CC2D2A: variants seen among roughly 807,000 people sequenced by gnomAD.
The protein encoded by CC2D2A is coiled-coil and C2 domain containing 2A.
A neutral mutation model predicts 212.9 loss-of-function variants in CC2D2A; 155 were observed. The observed-to-expected ratio is 0.73, with a 90% CI of 0.64 to 0.83. The LOEUF is 0.83. Ranked by LOEUF, CC2D2A falls within the 40% of genes least tolerant of loss-of-function variation. The pLI is 0.00. For synonymous variants in CC2D2A, 667 were observed against 686.5 expected (o/e 0.97, Z 0.44); for missense variants, 1,856 against 1,956.2 (o/e 0.95, Z 0.97).
Position 15,548,713 on chromosome 4 carries a change from AC to A in CC2D2A, c.2182-2110del, listed in dbSNP as rs1326949361. On this transcript the variant is annotated intron_variant, in intron 17 of 36. Coordinates refer to ENST00000424120, the MANE Select transcript of CC2D2A (RefSeq NM_001378615.1). ...TCCAGTGCAATAAATGATAACTACTACATGTTCTTTAAGCTGTAGAAGATTA... is the reference window on the plus strand; with the variant it reads ...TCCAGTGCAATAAATGATAACTACTAATGTTCTTTAAGCTGTAGAAGATTA... Among the ~76,000 whole-genome samples the A allele has an allele frequency of 3.8e-4, 58 of 152,166 alleles. 1 individual carries two copies. The highest frequency in any genetic ancestry group is 2.9e-5 in the Non-Finnish European group (2 of 68,026).
chr4:15,510,004 C>T (rs1716473404), intron 6 of CC2D2A, 135 bp from the exon 7 acceptor site: 10 of 680,658 alleles, frequency 1.5e-5, no homozygotes, highest in Non-Finnish European at 2.5e-5. Flanking sequence ...GCCAGCATTC[C>T]ATGCCTTAGG....
rs1721490418 is a variant in CC2D2A at position 15,599,657 on chromosome 4, T to C, written c.4625T>C (p.Val1542Ala). 4 of 1,613,620 alleles carry C rather than the reference T, an allele frequency of 2.5e-6. No homozygotes were observed. The highest frequency in any genetic ancestry group is 1.7e-5 in the Admixed American group (1 of 60,006). The change falls in exon 36 of 37, where the codon GTA (valine) becomes GCA (alanine). Residue 1542 changes from valine to alanine, a missense_variant. By Grantham distance (64) the Val-to-Ala change is moderately conservative. Around this residue, in one of 5 missense-constraint regions of CC2D2A, gnomAD observed 285 missense variants for 278.4 expected, o/e 1.02. Coordinates refer to ENST00000424120, the MANE Select transcript of CC2D2A (RefSeq NM_001378615.1). Reference sequence around the variant, plus strand: ...TTAGAAAAAAGTCAAGGAGAAGATGTAGAAGATGACCACAGAGCAGAACTG... The same window carrying C: ...TTAGAAAAAAGTCAAGGAGAAGATGCAGAAGATGACCACAGAGCAGAACTG... Reference protein sequence around the residue: ...PLLEKSQGEDVEDDHRAELLK... With the variant: ...PLLEKSQGEDAEDDHRAELLK...
At chr4:15,585,487 G>A (rs1477181322) in intron 30 of CC2D2A, among the ~76,000 whole-genome samples, 2 of 152,178 alleles carry the variant, frequency 1.3e-5, no homozygotes, top group Non-Finnish European at 2.9e-5. Flanking sequence ...GCTGGGGAGG[G>A]AAGGCAGGAG....
At chr4:15,542,153 C>T (rs928041661) in intron 17 of CC2D2A, among the ~76,000 whole-genome samples, 19 of 152,142 alleles carry the variant, frequency 1.2e-4, no homozygotes, top group African/African-American at 4.3e-4. Flanking sequence ...TATCTTCATC[C>T]TTAACTAATG....
At chr4:15,524,544 G>A (rs1477892177) in intron 11 of CC2D2A, among the ~76,000 whole-genome samples, 8 of 147,756 alleles carry the variant, frequency 5.4e-5, no homozygotes, top group African/African-American at 7.5e-5. Context: ...TCCGCCTCCC[G>A]GGTTCACGCC....
rs763477348 is a variant in CC2D2A at position 15,555,189 on chromosome 4, C to A, written c.2604C>A (p.Ala868=). ...TCGACCCAAATGACCCCAACAATGC[C>A]CCTTTGATGCAGCTTATCTCGGTAT... ...SKLDPNDPNN[A]PLMQLISVAT... The change falls in exon 20 of 37, where the codon GCC becomes GCA. Residue 868 remains alanine (A), a synonymous_variant. Coordinates refer to ENST00000424120, the MANE Select transcript of CC2D2A (RefSeq NM_001378615.1). The A allele has an allele frequency of 2.6e-5, 42 of 1,613,540 alleles. No individual in the cohort carries two copies. The highest frequency in any genetic ancestry group is 1.6e-4 in the Middle Eastern group (1 of 6,082).
chr4:15,585,830 C>G (rs1720835193), intron 30 of CC2D2A, among the ~76,000 whole-genome samples: 1 of 152,120 alleles, frequency 6.6e-6, no homozygotes, highest in African/African-American at 2.4e-5. Context: ...GAAATGACTG[C>G]TTTCAAGACT....
chr4:15,500,166 G>A (rs1457406043), intron 4 of CC2D2A, among the ~76,000 whole-genome samples: 1 of 147,712 alleles, frequency 6.8e-6, no homozygotes, highest in Non-Finnish European at 1.5e-5. Context: ...AAATGTCCCA[G>A]CATCATTACT....
chr4:15,498,017 G>A (rs1715715246), intron 4 of CC2D2A, among the ~76,000 whole-genome samples: 1 of 152,158 alleles, frequency 6.6e-6, no homozygotes, highest in African/African-American at 2.4e-5. Context: ...TTTTCTGAGG[G>A]GTCAGGTATA....
intron 1 of CC2D2A, among the ~76,000 whole-genome samples, chr4:15,474,857 G>A (rs530440266): frequency 6.6e-6 from 1 of 152,354 alleles, no homozygotes; most frequent in African/African-American, 2.4e-5. Context: ...GGCAAAAGCA[G>A]TTGCAGAGTA....
intron 17 of CC2D2A, chr4:15,543,634 C>T (rs1383480247): frequency 2.6e-5 from 4 of 152,228 alleles, no homozygotes; most frequent in African/African-American, 7.2e-5. Flanking sequence ...GGGCAGCCTT[C>T]AGATACGTGG....
chr4:15,481,582 A>T (rs1187067200), intron 4 of CC2D2A: 1 of 172,458 alleles, frequency 5.8e-6, no homozygotes, highest in Non-Finnish European at 1.2e-5. Flanking sequence ...ACCATGCGAC[A>T]CACCTGTTTC....
chr4:15,561,126 A>G (rs1419172907), intron 23 of CC2D2A, among the ~76,000 whole-genome samples: 1 of 152,136 alleles, frequency 6.6e-6, no homozygotes, highest in Non-Finnish European at 1.5e-5. Flanking sequence ...GAACAGCAGG[A>G]AAGATTTGAT....
chr4:15,496,833 A>T (rs1440137369), intron 4 of CC2D2A, among the ~76,000 whole-genome samples: 2 of 152,314 alleles, frequency 1.3e-5, no homozygotes, highest in African/African-American at 4.8e-5. Flanking sequence ...AAAGAATAAA[A>T]TGCCTAGAAA....
intron 7 of CC2D2A, 72 bp downstream of exon 7, chr4:15,510,312 C>G: frequency 7.4e-7 from 1 of 1,349,864 alleles, no homozygotes. Context: ...CACATGACTA[C>G]AGGCCGGGTG....
intron 4 of CC2D2A, among the ~76,000 whole-genome samples, chr4:15,501,534 C>T (rs541133753): frequency 6.6e-6 from 1 of 152,164 alleles, no homozygotes; most frequent in Non-Finnish European, 1.5e-5. Context: ...ATCCCAAAAT[C>T]CTTCTGCAAT....
At chr4:15,587,681 A>G in intron 31 of CC2D2A, 135 bp from the exon 32 acceptor site, 1 of 481,306 alleles carries the variant, frequency 2.1e-6, no homozygotes, top group Middle Eastern at 4.7e-4. Context: ...TCAACATAGT[A>G]TCAAAATTTC....
Position 15,470,064 on chromosome 4 carries a change from C to G in CC2D2A, c.-19+7C>G, listed in dbSNP as rs1466445831. The G allele has an allele frequency of 2.0e-5, 3 of 152,196 alleles. No individual in the cohort carries two copies. In the East Asian group the frequency reaches 5.8e-4, roughly 29 times the overall value. The allele number at this position is 152,196 out of a possible 1,614,324, so 9.4% of individuals were successfully genotyped here. A position where few individuals can be genotyped will look rare whatever the true frequency, so the allele number is the denominator to read the frequency against. ...TTTTGTAAAGTTTCTTAAGGTAAAT[C>G]AGTCCCTAACCGGACTTTAGGCTGC... On this transcript the variant is annotated splice_region_variant and intron_variant, in intron 1 of 36. Coordinates refer to ENST00000424120, the MANE Select transcript of CC2D2A (RefSeq NM_001378615.1).
chr4:15,517,798 C>T (rs1716972246), intron 11 of CC2D2A, among the ~76,000 whole-genome samples: 1 of 152,174 alleles, frequency 6.6e-6, no homozygotes, highest in Admixed American at 6.5e-5. Flanking sequence ...GTTTAATGGA[C>T]TTACAGTTCT....
Sources: gnomAD v4.1 joint callset for allele counts (sites outside exome capture counted in the v4.1 genomes callset) on GRCh38, gnomAD v4.1.1 for gene constraint, gnomAD v4.1.1 regional missense constraint, MANE v1.5 for transcripts, NCBI Gene and HGNC (gene_info 2026-07-23, HGNC 2026-07-21) for gene names.